The following RGL3 variants were observed in gnomAD, a reference collection of about 807,000 sequenced individuals.
RGL3 encodes the protein ral guanine nucleotide dissociation stimulator like 3, also known as ral guanine nucleotide dissociation stimulator-like 3.
A neutral mutation model predicts 90.6 loss-of-function variants in RGL3; 85 were observed. The ratio of observed to expected loss-of-function variants is 0.94; its 90% CI spans 0.79 to 1.12. The LOEUF is 1.12. RGL3 is among the 50% of genes most tolerant of loss of function. The pLI is 0.00. For missense variants in RGL3, 1,034 were observed against 939.2 expected, an observed-to-expected ratio of 1.10 and a Z score of -1.32; for synonymous variants, 408 against 385.5, an observed-to-expected ratio of 1.06 and a Z score of -0.68.
chr19:11,405,150 GAA>G lies in RGL3; in HGVS notation c.1180_1181del (p.Phe394ProfsTer6). On this transcript the variant is annotated frameshift_variant, in exon 9 of 19. Transcript: ENST00000380456. LOFTEE classifies it high-confidence loss of function. The stretch of plus-strand genomic sequence containing the variant: ...TGGAGTCTGCATCCATCTCTACCTG[GAA>G]AAGAATCTCTCTGCTGCTGAGGTGG... ...NNHLSSREIL[F>X]QEEATEGSQE... is the part of the protein sequence containing the mutation. 1 of 1,613,862 alleles carries G rather than the reference GAA, an allele frequency of 6.2e-7. No individual in the cohort carries two copies. The highest frequency in any genetic ancestry group is 1.1e-5 in the South Asian group (1 of 91,076).
chr19:11,416,859 T>C lies in RGL3; in HGVS notation c.348A>G (p.Pro116=), dbSNP rs1304769708. ...TACLLGFLLP[P]MPPPPPPGVE... The stretch of plus-strand genomic sequence containing the variant: ...ACCCGGGAGGTGGGGGCGGTGGCAT[T>C]GGTGGCAGCAGAAAGCCCAGCAGGC... Residue 116 remains proline, a synonymous_variant, in exon 3 of 19, where the codon CCA becomes CCG. Coordinates refer to ENST00000380456, the MANE Select transcript of RGL3 (RefSeq NM_001035223.4). 1 of 1,613,526 alleles carries C rather than the reference T, an allele frequency of 6.2e-7. No individual in the cohort carries two copies. Among genetic ancestry groups the C allele is most frequent in the Admixed American group, 1.7e-5 (1 of 59,944 alleles).
chr19:11,407,865 T>C (rs2017132779), intron 5 of RGL3, among the ~76,000 whole-genome samples: 1 of 152,054 alleles, frequency 6.6e-6, no homozygotes, highest in Non-Finnish European at 1.5e-5. Context: ...TTTTGTATTT[T>C]TGTAGAGACA....
rs754388605 is a variant in RGL3, at chr19:11,402,102, G to C, written c.1393C>G (p.Leu465Val). 2.5e-6 allele frequency: 4 copies of C among 1,601,188 alleles called. No individual in the cohort carries two copies. The highest frequency in any genetic ancestry group is 3.4e-6 in the Non-Finnish European group (4 of 1,173,666). ...GTGTAGCTCTGACAGCGCCTCTGCA[G>C]CTGCTGGATGCGGGCCAGGATCTCC... ...EWEILARIQQ[L>V]QRRCQSYTLS... Residue 465 changes from leucine to valine, a missense_variant, in exon 13 of 19, where the codon CTG becomes GTG. Transcript: ENST00000380456.
intron 3 of RGL3, 48 bp from the exon 4 acceptor site, chr19:11,416,715 G>T: frequency 6.2e-7 from 1 of 1,601,504 alleles, no homozygotes; most frequent in South Asian, 1.1e-5. Context: ...CCTAGAGGGG[G>T]CTTAGGAAGA....
intron 5 of RGL3, among the ~76,000 whole-genome samples, chr19:11,414,167 A>ATACC (rs1568341512): frequency 3.6e-5 from 4 of 110,996 alleles, no homozygotes; most frequent in African/African-American, 1.7e-4. Flanking sequence ...ATATATATAT[A>ATACC]TATATATATA....
rs771481766 is a variant in RGL3, at chr19:11,416,928, C to T, written c.279G>A (p.Met93Ile). The change falls in exon 3 of 19, where the codon ATG (methionine) becomes ATA (isoleucine). Residue 93 changes from methionine to isoleucine, a missense_variant. Met to Ile is a conservative substitution (Grantham distance 10). Coordinates refer to ENST00000380456, the MANE Select transcript of RGL3 (RefSeq NM_001035223.4). ...FGDREQDPSF[M>I]PAFLATYRTF... is the part of the protein sequence containing the mutation. The stretch of plus-strand genomic sequence containing the variant: ...TCCGGTAGGTGGCCAGGAAGGCGGG[C>T]ATGAAGCTGGGGTCCTGCTCACGGT... 6.8e-6 allele frequency: 11 copies of T among 1,613,960 alleles called. No homozygotes were observed. The highest frequency in any genetic ancestry group is 1.7e-5 in the Admixed American group (1 of 59,972).
chr19:11,405,494 CTTTT>C (rs771398199), intron 7 of RGL3, 68 bp from the exon 8 acceptor site: 726 of 163,316 alleles, frequency 4.4e-3, no homozygotes, highest in Admixed American at 6.1e-3. Context: ...ACTTCTTCAT[CTTTT>C]TTTTTTTTTT....
intron 5 of RGL3, among the ~76,000 whole-genome samples, chr19:11,414,490 CATATATATATATATATAT>C (rs57862666): frequency 0.011 from 295 of 27,868 alleles, 10 homozygotes; most frequent in Middle Eastern, 0.036. Flanking sequence ...TATACACCTT[CATATATATATATATATAT>C]ATATATATAT....
chr19:11,412,062 C>T (rs377226685), intron 5 of RGL3, among the ~76,000 whole-genome samples: 1 of 151,988 alleles, frequency 6.6e-6, no homozygotes, highest in South Asian at 2.1e-4. Context: ...GGCGGATCAC[C>T]TGAGGTCAGG....
rs1255088024 is a variant in RGL3 at position 11,405,446 on chromosome 19, C to G, written c.997-20G>C. 3.6e-6 allele frequency: 5 copies of G among 1,397,374 alleles called. No individual in the cohort carries two copies. The highest frequency in any genetic ancestry group is 4.8e-6 in the Non-Finnish European group (5 of 1,047,002). The allele number at this position is 1,397,374 out of a possible 1,614,324, so 86.6% of individuals were successfully genotyped here. ...GCAGCGCTGCCAGGCGGTGGGGACG[C>G]AGGTCAGACCCAGGCATTATCCACC... On this transcript the variant is annotated intron_variant, in intron 7 of 18. Coordinates refer to ENST00000380456, the MANE Select transcript of RGL3 (RefSeq NM_001035223.4).
At chr19:11,401,963 AC>A (rs2144721754) in intron 13 of RGL3, 47 bp downstream of exon 13, 1 of 1,506,018 alleles carries the variant, frequency 6.6e-7, no homozygotes, top group East Asian at 2.3e-5. Flanking sequence ...CCAGTTGGTG[AC>A]CCAGGCTCAG....
intron 13 of RGL3, among the ~76,000 whole-genome samples, chr19:11,400,763 T>C (rs1968661411): frequency 6.6e-6 from 1 of 151,298 alleles, no homozygotes; most frequent in Non-Finnish European, 1.5e-5. Flanking sequence ...GCTGAGGCAG[T>C]AGAATTGCTT....
intron 9 of RGL3, among the ~76,000 whole-genome samples, chr19:11,404,872 C>G (rs958896318): frequency 1.3e-5 from 2 of 152,154 alleles, no homozygotes; most frequent in African/African-American, 4.8e-5. Context: ...TGTTCCCACC[C>G]TGTGCTATGA....
intron 5 of RGL3, among the ~76,000 whole-genome samples, chr19:11,408,178 C>G (rs1381259968): frequency 6.6e-6 from 1 of 152,220 alleles, no homozygotes; most frequent in African/African-American, 2.4e-5. Context: ...TGTTGCCAGG[C>G]TGGTCTCAAA....
intron 5 of RGL3, among the ~76,000 whole-genome samples, chr19:11,407,371 C>G (rs1171474067): frequency 1.3e-5 from 2 of 152,030 alleles, no homozygotes; most frequent in Non-Finnish European, 2.9e-5. Context: ...CACTGAGTTA[C>G]TGTGAGTCCA....
intron 1 of RGL3, 82 bp downstream of exon 1, chr19:11,419,164 C>A: frequency 6.9e-7 from 1 of 1,459,674 alleles, no homozygotes; most frequent in Admixed American, 1.9e-5. Flanking sequence ...GGAGCAGATA[C>A]CGTCCGACGG....
chr19:11,399,779 G>A (rs1968638832), intron 16 of RGL3, 76 bp downstream of exon 16: 1 of 816,344 alleles, frequency 1.2e-6, no homozygotes, highest in Non-Finnish European at 1.9e-6. Flanking sequence ...GTACACATGT[G>A]CATGCACACA....
Position 11,418,704 on chromosome 19 carries a change from G to T in RGL3, c.114C>A (p.Arg38=), listed in dbSNP as rs1380327138. 1 of 1,571,028 alleles carries T rather than the reference G, an allele frequency of 6.4e-7. No individual in the cohort carries two copies. Reference sequence around the variant, plus strand: ...CCCCGGGGCCCTCCGCCGGGCTCCTGCGCTGACTGCGCTGCCGCCGCAGGG... The same window carrying T: ...CCCCGGGGCCCTCCGCCGGGCTCCTTCGCTGACTGCGCTGCCGCCGCAGGG... ...SVSLRRQRSQ[R]RSPAEGPGGS... The change falls in exon 2 of 19, where the codon CGC becomes CGA. Residue 38 remains arginine (R), a synonymous_variant. Coordinates refer to ENST00000380456, the MANE Select transcript of RGL3 (RefSeq NM_001035223.4).
chr19:11,407,245 C>T (rs530121886), intron 5 of RGL3, among the ~76,000 whole-genome samples: 1 of 152,210 alleles, frequency 6.6e-6, no homozygotes, highest in East Asian at 1.9e-4. Context: ...CTTGGCCTCC[C>T]AAAGTGCTGG....
Sources: allele counts gnomAD v4.1 joint callset (sites outside exome capture counted in the v4.1 genomes callset), GRCh38; gene constraint gnomAD v4.1.1; transcripts MANE v1.5; gene names NCBI Gene and HGNC (gene_info 2026-07-23, HGNC 2026-07-21).